Variants in GPHN observed in about 807,000 individuals in gnomAD.
The protein encoded by GPHN is gephyrin.
GPHN carries 17 observed loss-of-function variants against 95.5 expected under a neutral mutation model. The ratio of observed to expected loss-of-function variants is 0.18; its 90% confidence interval spans 0.12 to 0.27. The LOEUF is 0.27. Among genes scored for constraint, GPHN ranks in the 10% least tolerant of loss-of-function variants. GPHN has a pLI of 1.00. For synonymous variants in GPHN, 320 were observed against 322.5 expected (o/e 0.99, Z 0.08); for missense variants, 660 against 978.1 (o/e 0.67, Z 4.34).
At chr14:67,338,539 T>C in the GPHN span, 11 of 1,389,820 alleles carry the variant, frequency 7.9e-6, no homozygotes, top group Non-Finnish European at 3.8e-6. Context: ...AAAAAATAAA[T>C]AGCCACACAA....
intron 3 of GPHN, among the ~76,000 whole-genome samples, chr14:66,818,415 C>T (rs2061062861): frequency 6.6e-6 from 1 of 152,108 alleles, no homozygotes; most frequent in Non-Finnish European, 1.5e-5. Context: ...ATCCGTGTCC[C>T]TGCAAAGAAC....
chr14:67,383,527 A>T, the GPHN span: 1 of 1,553,682 alleles, frequency 6.4e-7, no homozygotes, highest in Middle Eastern at 1.7e-4. Flanking sequence ...TCCAGTATTG[A>T]AAACTTCAAA....
At chr14:66,918,243 C>T (rs776271456) in intron 6 of GPHN, among the ~76,000 whole-genome samples, 1 of 152,136 alleles carries the variant, frequency 6.6e-6, no homozygotes, top group Non-Finnish European at 1.5e-5. Flanking sequence ...GGACATGTCA[C>T]CCTTCTGGCG....
chr14:66,561,171 A>G (rs1450240601), intron 1 of GPHN, among the ~76,000 whole-genome samples: 1 of 152,122 alleles, frequency 6.6e-6, no homozygotes, highest in Admixed American at 6.5e-5. Flanking sequence ...TTTTTGCATC[A>G]ATGTTCATCA....
At position 67,122,311 on chromosome 14, in the gene GPHN, C is replaced by T; in HGVS notation, c.1682C>T (p.Ser561Leu). 1 of 1,613,090 alleles carries T rather than the reference C, an allele frequency of 6.2e-7. No individual in the cohort carries two copies. Among genetic ancestry groups the T allele is most frequent in the Non-Finnish European group, 8.5e-7 (1 of 1,179,126 alleles). ...LPGKIRDSNR[S>L]TLLATIQEHG... ...GGGAAGATTCGAGACAGCAATCGTTCAACTCTTCTAGCAACAATTCAGGAA... is the reference window on the plus strand; with the variant it reads ...GGGAAGATTCGAGACAGCAATCGTTTAACTCTTCTAGCAACAATTCAGGAA... The change falls in exon 17 of 23, where the codon TCA (serine) becomes TTA (leucine). Residue 561 changes from serine (S) to leucine (L), a missense_variant. Ser to Leu is a moderately radical substitution (Grantham distance 145). This residue lies in a region of GPHN where 257 missense variants were observed against 376.2 expected (regional missense o/e 0.68). Coordinates refer to ENST00000478722, the MANE Select transcript of GPHN (RefSeq NM_020806.5).
the GPHN span, among the ~76,000 whole-genome samples, chr14:67,358,354 CTATT>C: frequency 1.3e-5 from 2 of 152,132 alleles, no homozygotes; most frequent in African/African-American, 4.8e-5. Context: ...TCATTAAGAG[CTATT>C]TAGTCACCGG....
intron 3 of GPHN, among the ~76,000 whole-genome samples, chr14:66,807,495 A>T (rs1347110289): frequency 6.6e-6 from 1 of 152,314 alleles, no homozygotes; most frequent in Admixed American, 6.5e-5. Flanking sequence ...TAGTAGAATA[A>T]ATACAAAGCA....
At chr14:67,552,412 G>T in the GPHN span, among the ~76,000 whole-genome samples, 3 of 152,190 alleles carry the variant, frequency 2.0e-5, no homozygotes, top group South Asian at 6.2e-4. Flanking sequence ...AGAGAAAAAA[G>T]AATACTGCAA....
At chr14:67,340,592 T>C in the GPHN span, 4 of 1,232,476 alleles carry the variant, frequency 3.2e-6, no homozygotes, top group East Asian at 9.3e-5. Flanking sequence ...CTCATTTGTA[T>C]AACAGTTATT....
chr14:67,466,555 C>A, the GPHN span, among the ~76,000 whole-genome samples: 2 of 152,256 alleles, frequency 1.3e-5, no homozygotes, highest in African/African-American at 4.8e-5. Flanking sequence ...CTGGAACACT[C>A]AGCCTGGCCT....
the GPHN span, among the ~76,000 whole-genome samples, chr14:67,206,597 T>C: frequency 6.6e-6 from 1 of 152,078 alleles, no homozygotes; most frequent in Non-Finnish European, 1.5e-5. Context: ...TATAATAAAA[T>C]GTTAAGTGAA....
At chr14:67,320,484 C>A in the GPHN span, 1 of 1,271,658 alleles carries the variant, frequency 7.9e-7, no homozygotes, top group South Asian at 1.9e-5. Context: ...ATTTTTTATT[C>A]ATTTCATTAA....
chr14:66,945,823 T>G (rs947992262), intron 8 of GPHN, among the ~76,000 whole-genome samples: 3 of 152,194 alleles, frequency 2.0e-5, no homozygotes, highest in African/African-American at 4.8e-5. Flanking sequence ...TTTACATTAA[T>G]AAAATTTTCC....
intron 19 of GPHN, among the ~76,000 whole-genome samples, chr14:67,164,317 ATATTT>A (rs2082148066): frequency 6.7e-6 from 1 of 150,204 alleles, no homozygotes; most frequent in Non-Finnish European, 1.5e-5. Context: ...TCTAGTCATG[ATATTT>A]TATTTATTTT....
At chr14:66,833,818 A>G (rs1435234696) in intron 4 of GPHN, among the ~76,000 whole-genome samples, 1 of 152,198 alleles carries the variant, frequency 6.6e-6, no homozygotes, top group African/African-American at 2.4e-5. Context: ...TAGAATCAAG[A>G]ATCAAGACAA....
chr14:67,187,313 C>G, the GPHN span, among the ~76,000 whole-genome samples: 1 of 152,302 alleles, frequency 6.6e-6, no homozygotes, highest in East Asian at 1.9e-4. Context: ...TACACTTGTT[C>G]CTCTGCCTGT....
At chr14:67,146,526 A>G (rs1055417461) in intron 18 of GPHN, among the ~76,000 whole-genome samples, 2 of 152,230 alleles carry the variant, frequency 1.3e-5, no homozygotes, top group African/African-American at 4.8e-5. Flanking sequence ...ACTGGACACC[A>G]GTGACCTTTT....
chr14:67,058,529 CTT>C lies in GPHN; in HGVS notation c.1007-119_1007-118del, dbSNP rs1381374829. On this transcript the variant is annotated intron_variant, in intron 10 of 22. Coordinates refer to ENST00000478722, the MANE Select transcript of GPHN (RefSeq NM_020806.5). The stretch of plus-strand genomic sequence containing the variant: ...ATTTTGGAGGCAGGAGAAACAGTTT[CTT>C]ACCTGCTAATCTTCATCTGGGGACA... The C allele has an allele frequency of 2.3e-5, 20 of 868,944 alleles. No individual in the cohort carries two copies. In the East Asian group the frequency reaches 4.9e-4, roughly 21 times the overall value. The allele number at this position is 868,944 out of a possible 1,614,324, so 53.8% of individuals were successfully genotyped here. A position where few individuals can be genotyped will look rare whatever the true frequency, so the allele number is the denominator to read the frequency against.
intron 5 of GPHN, among the ~76,000 whole-genome samples, chr14:66,899,122 C>CTTTTT (rs149566081): frequency 1.5e-5 from 2 of 130,818 alleles, no homozygotes; most frequent in African/African-American, 2.7e-5. Flanking sequence ...AGGGCTTTTT[C>CTTTTT]TTTTTTTTTT....
Sources: allele counts gnomAD v4.1 joint callset (sites outside exome capture counted in the v4.1 genomes callset), GRCh38; gene constraint gnomAD v4.1.1; regional missense constraint gnomAD v4.1.1; transcripts MANE v1.5; gene names NCBI Gene and HGNC (gene_info 2026-07-23, HGNC 2026-07-21).